The following COL4A2 variants were observed in gnomAD, a reference collection of about 807,000 sequenced individuals.
COL4A2 encodes the protein collagen alpha-2(IV) chain.
COL4A2 carries 99 observed loss-of-function variants against 200.2 expected under a neutral mutation model. That is an observed-to-expected ratio of 0.49 (90% CI 0.42 to 0.58). The LOEUF (loss-of-function observed/expected upper bound fraction) is 0.58. Among genes scored for constraint, COL4A2 ranks in the 20% least tolerant of loss-of-function variants. The probability of loss-of-function intolerance (pLI) is 0.00; values close to 1 mark genes in which losing one functional copy is unlikely to be tolerated. For missense variants in COL4A2, 1,950 were observed against 2,314.1 expected, an observed-to-expected ratio of 0.84 and a Z score of 3.23; for synonymous variants, 897 against 900.6, an observed-to-expected ratio of 1.00 and a Z score of 0.07.
intron 40 of COL4A2, among the ~76,000 whole-genome samples, chr13:110,495,746 G>A (rs928511288): frequency 5.9e-5 from 9 of 152,186 alleles, no homozygotes; most frequent in Non-Finnish European, 8.8e-5. Context: ...TCCTCTGTGC[G>A]CCTGGGGCAC....
intron 26 of COL4A2, 95 bp downstream of exon 26, chr13:110,466,157 T>A: frequency 7.0e-7 from 1 of 1,421,168 alleles, no homozygotes; most frequent in Non-Finnish European, 9.6e-7. Flanking sequence ...TAAGAAATAT[T>A]AATAATATGT....
chr13:110,488,934 C>T (rs1883195226), intron 34 of COL4A2, among the ~76,000 whole-genome samples: 1 of 152,108 alleles, frequency 6.6e-6, no homozygotes. Context: ...TTCACAGTTC[C>T]ATAAGAACAG....
In COL4A2 at chr13:110,472,943, C is replaced by T. The variant is rs1882535018; in HGVS notation, c.2218C>T (p.Arg740Ter). 1.3e-6 allele frequency: 2 copies of T among 1,556,782 alleles called. No individual in the cohort carries two copies. The highest frequency in any genetic ancestry group is 1.2e-5 in the South Asian group (1 of 84,504). The change falls in exon 29 of 48, where the codon CGA (arginine) becomes TGA (stop). Residue 740 changes from arginine to a stop codon, truncating the protein, a stop_gained. Coordinates refer to ENST00000360467, the MANE Select transcript of COL4A2 (RefSeq NM_001846.4). LOFTEE classifies it high-confidence loss of function. Reference sequence around the variant, plus strand: ...TTTCCTTTTAGGGTTCATAGGACCCCGAGGATCCAAAGGTGCAGTGGGCCT... The same window carrying T: ...TTTCCTTTTAGGGTTCATAGGACCCTGAGGATCCAAAGGTGCAGTGGGCCT... ...FPGPPGFIGPRGSKGAVGLPG... is the reference protein window; with the variant it reads ...FPGPPGFIGP
chr13:110,407,635 A>G (rs1048831626), intron 4 of COL4A2, among the ~76,000 whole-genome samples: 1 of 152,228 alleles, frequency 6.6e-6, no homozygotes, highest in African/African-American at 2.4e-5. Flanking sequence ...GTGCAGTGGG[A>G]TGGGGTGCAC....
At chr13:110,308,864 A>C (rs542650102) in intron 3 of COL4A2, among the ~76,000 whole-genome samples, 1 of 152,220 alleles carries the variant, frequency 6.6e-6, no homozygotes, top group Non-Finnish European at 1.5e-5. Context: ...TTATGTAACC[A>C]TGGCTAAAAT....
intron 41 of COL4A2, 108 bp from the exon 42 acceptor site, chr13:110,503,013 A>C: frequency 9.9e-7 from 1 of 1,006,328 alleles, no homozygotes; most frequent in South Asian, 1.5e-5. Flanking sequence ...ATTCCATGCC[A>C]CAGACTTGCC....
chr13:110,357,343 A>T, intron 3 of COL4A2, 129 bp from the exon 4 acceptor site: 3 of 1,364,920 alleles, frequency 2.2e-6, no homozygotes. Context: ...TTTTTAAAAA[A>T]GCCTTATTGA....
At chr13:110,332,771 G>A (rs1875986479) in intron 3 of COL4A2, among the ~76,000 whole-genome samples, 1 of 152,198 alleles carries the variant, frequency 6.6e-6, no homozygotes, top group African/African-American at 2.4e-5. Context: ...CCTTCCAGTA[G>A]TACCTGGTTT....
In COL4A2 at chr13:110,465,548, A is replaced by T; in HGVS notation, c.1920A>T (p.Leu640Phe). ...GQRGFPGDAG[L>F]PGPPGFLGPP... ...GTGGTTTCCCTGGAGACGCCGGCTT[A>T]CCTGGACCACCAGGCTTCCTGGGCC... The change falls in exon 25 of 48, where the codon TTA becomes TTT. Residue 640 changes from leucine to phenylalanine, a missense_variant. Physicochemically the swap from Leu to Phe is conservative, Grantham distance 22 (BLOSUM62 0). This residue lies in a region of COL4A2 where 1,385 missense variants were observed against 1,720.5 expected (regional missense o/e 0.80). Coordinates refer to ENST00000360467, the MANE Select transcript of COL4A2 (RefSeq NM_001846.4). 1.2e-6 allele frequency: 2 copies of T among 1,613,960 alleles called. No homozygotes were observed. Among genetic ancestry groups the T allele is most frequent in the Non-Finnish European group, 1.7e-6 (2 of 1,179,984 alleles).
At chr13:110,432,687 A>G (rs1402273417) in intron 11 of COL4A2, among the ~76,000 whole-genome samples, 1 of 152,192 alleles carries the variant, frequency 6.6e-6, no homozygotes, top group Non-Finnish European at 1.5e-5. Flanking sequence ...ATTTATTCAC[A>G]TGCATTGATT....
intron 15 of COL4A2, 43 bp downstream of exon 15, chr13:110,438,711 G>A (rs764820895): frequency 3.6e-5 from 58 of 1,613,004 alleles, no homozygotes; most frequent in Non-Finnish European, 4.8e-5. Context: ...GTTTGGTTTG[G>A]TTTTTTTCAG....
chr13:110,331,884 A>G lies in COL4A2; in HGVS notation c.99+23761A>G, dbSNP rs186985221. On this transcript the variant is annotated intron_variant, in intron 3 of 47. Transcript: ENST00000360467. ...CCATACCCACTTGGGAACTCTTTGTATCCTAAATACAGTCGCCCATTTGGT... is the reference window on the plus strand; with the variant it reads ...CCATACCCACTTGGGAACTCTTTGTGTCCTAAATACAGTCGCCCATTTGGT... 1.1e-4 allele frequency among the ~76,000 whole-genome samples: 16 copies of G among 152,202 alleles called. No homozygotes were observed. In the East Asian group the frequency reaches 3.1e-3, roughly 29 times the overall value.
At chr13:110,337,895 A>G (rs1456547964) in intron 3 of COL4A2, among the ~76,000 whole-genome samples, 1 of 152,266 alleles carries the variant, frequency 6.6e-6, no homozygotes, top group Non-Finnish European at 1.5e-5. Context: ...TGCAGTGAGC[A>G]TATATTCACT....
chr13:110,322,626 C>A (rs2139352978), intron 3 of COL4A2, among the ~76,000 whole-genome samples: 1 of 152,320 alleles, frequency 6.6e-6, no homozygotes, highest in East Asian at 1.9e-4. Context: ...CTTCACCAAA[C>A]TGACGGTCAC....
chr13:110,373,807 C>T (rs915669080), intron 4 of COL4A2, among the ~76,000 whole-genome samples: 5 of 152,244 alleles, frequency 3.3e-5, no homozygotes, highest in East Asian at 1.9e-4. Context: ...GGCTCCTTTC[C>T]GCCTCTGTGT....
chr13:110,322,306 C>T (rs1488081946), intron 3 of COL4A2, among the ~76,000 whole-genome samples: 1 of 152,136 alleles, frequency 6.6e-6, no homozygotes, highest in Non-Finnish European at 1.5e-5. Flanking sequence ...ACCACTCTCC[C>T]GAAGGAGGTT....
chr13:110,493,868 A>G (rs1364564488), intron 39 of COL4A2, among the ~76,000 whole-genome samples: 1 of 151,992 alleles, frequency 6.6e-6, no homozygotes, highest in Non-Finnish European at 1.5e-5. Flanking sequence ...GAGGGAGAGC[A>G]CCCGCTCTCC....
At chr13:110,419,181 G>A (rs945564432) in intron 4 of COL4A2, among the ~76,000 whole-genome samples, 2 of 152,168 alleles carry the variant, frequency 1.3e-5, no homozygotes, top group Admixed American at 1.3e-4. Context: ...TCTGCTGGGC[G>A]CCAGTGCCCA....
intron 4 of COL4A2, among the ~76,000 whole-genome samples, chr13:110,381,326 C>T (rs937622015): frequency 9.9e-5 from 15 of 152,076 alleles, no homozygotes; most frequent in African/African-American, 3.4e-4. Flanking sequence ...CTCACACCCA[C>T]GGGGCTCTCA....
Sources: gnomAD v4.1 joint callset for allele counts (sites outside exome capture counted in the v4.1 genomes callset) on GRCh38, gnomAD v4.1.1 for gene constraint, gnomAD v4.1.1 regional missense constraint, MANE v1.5 for transcripts, NCBI Gene and HGNC (gene_info 2026-07-23, HGNC 2026-07-21) for gene names.